RARA: variants seen among roughly 807,000 people sequenced by gnomAD.
RARA encodes retinoic acid receptor alpha.
In RARA, 5 loss-of-function variants were observed where a neutral mutation model predicts 42.8. The observed-to-expected ratio is 0.12, with a 90% CI of 0.06 to 0.25. The LOEUF is 0.25. Ranked by LOEUF, RARA falls within the 10% of genes least tolerant of loss-of-function variation. The probability of loss-of-function intolerance (pLI) is 1.00; values close to 1 mark genes in which losing one functional copy is unlikely to be tolerated. For missense variants in RARA, 402 were observed against 628.7 expected (o/e 0.64, Z 3.86); for synonymous variants, 256 against 259.5 (o/e 0.99, Z 0.13).
intron 1 of RARA, among the ~76,000 whole-genome samples, chr17:40,311,481 G>A (rs1252647621): frequency 6.6e-6 from 1 of 152,146 alleles, no homozygotes; most frequent in East Asian, 1.9e-4. Context: ...ACAGCGATGA[G>A]CCAGGCTGAC....
intron 2 of RARA, 150 bp downstream of exon 2, chr17:40,331,546 T>C (rs1215470943): frequency 9.6e-7 from 1 of 1,046,096 alleles, no homozygotes; most frequent in East Asian, 2.7e-5. Flanking sequence ...TCATTTGAGG[T>C]CTTAAAAATG....
At chr17:40,319,534 C>G (rs1337807249) in intron 1 of RARA, among the ~76,000 whole-genome samples, 4 of 151,230 alleles carry the variant, frequency 2.6e-5, no homozygotes, top group Non-Finnish European at 5.9e-5. Flanking sequence ...CCGACCCCCC[C>G]ACCCCCTGCT....
intron 1 of RARA, among the ~76,000 whole-genome samples, chr17:40,328,372 A>C (rs1156665925): frequency 2.0e-5 from 3 of 151,834 alleles, no homozygotes; most frequent in African/African-American, 7.3e-5. Context: ...CCTTATTTTG[A>C]GTCTCTGTGG....
chr17:40,352,271 G>C lies in RARA; in HGVS notation c.631-60G>C. ...GTAGAGGGCAGGCCTGTGGGGGCTG[G>C]AGCCAGGCTGAGAAGGGGTGCCATG... On this transcript the variant is annotated intron_variant, in intron 5 of 8. Coordinates refer to ENST00000254066, the MANE Select transcript of RARA (RefSeq NM_000964.4). The surrounding 1 kb of genome is among the most constrained non-coding windows in gnomAD (Gnocchi z 4.9). 1 of 1,544,944 alleles carries C rather than the reference G, an allele frequency of 6.5e-7. No homozygotes were observed. The highest frequency in any genetic ancestry group is 1.2e-5 in the South Asian group (1 of 80,240).
chr17:40,324,136 C>T (rs2033471252), intron 1 of RARA, among the ~76,000 whole-genome samples: 1 of 152,032 alleles, frequency 6.6e-6, no homozygotes, highest in African/African-American at 2.4e-5. Context: ...TGGGGAAAGC[C>T]CCGTGCCAGG....
At chr17:40,314,516 A>C (rs137891066) in intron 1 of RARA, among the ~76,000 whole-genome samples, 2,263 of 149,030 alleles carry the variant, frequency 0.015, 29 homozygotes, top group Non-Finnish European at 0.023. Context: ...GCAGGGCAGC[A>C]CAGGGGTCTC....
At chr17:40,335,691 GA>G (rs200444580) in intron 2 of RARA, among the ~76,000 whole-genome samples, 7 of 144,408 alleles carry the variant, frequency 4.8e-5, no homozygotes, top group African/African-American at 1.5e-4. Flanking sequence ...CTCTGTCTCC[GA>G]AAAAAAAAGA....
Position 40,356,423 on chromosome 17 carries a change from C to G in RARA, c.*197C>G, listed in dbSNP as rs2034632899. 1 of 737,212 alleles carries G rather than the reference C, an allele frequency of 1.4e-6. No individual in the cohort carries two copies. Among genetic ancestry groups the G allele is most frequent in the East Asian group, 2.7e-5 (1 of 37,326 alleles). 45.7% of individuals were successfully genotyped at this position (737,212 alleles called of 1,614,324 possible). A position where few individuals can be genotyped will look rare whatever the true frequency, so the allele number is the denominator to read the frequency against. On this transcript the variant is annotated 3_prime_UTR_variant, in exon 9 of 9. Coordinates refer to ENST00000254066, the MANE Select transcript of RARA (RefSeq NM_000964.4). ...CTGGGCCCTCAGTGGACTGCCTGCT[C>G]CCACAGCCTGGGCTGACGTCAGAGG... is the stretch of plus-strand genomic sequence containing the variant.
At position 40,351,643 on chromosome 17, in the gene RARA, G is replaced by T. The variant is rs945252013; in HGVS notation, c.470-267G>T. On this transcript the variant is annotated intron_variant, in intron 4 of 8. Transcript: ENST00000254066. This position sits in a 1 kb window ranked among gnomAD's most constrained non-coding sequence, Gnocchi z 4.1. ...GTAGACGCGTGGGGGATAGCATGCG[G>T]CTGGCTATGGGGTGGGGTGGGGGGT... 1.5e-4 allele frequency: 79 copies of T among 540,302 alleles called. 2 individuals are homozygous for T. The highest frequency in any genetic ancestry group is 1.2e-3 in the South Asian group (60 of 51,880). 33.5% of individuals were successfully genotyped at this position (540,302 alleles called of 1,614,324 possible).
chr17:40,352,617 A>G lies in RARA; in HGVS notation c.807+110A>G. Reference sequence around the variant, plus strand: ...GTCTGTCTGCAATCAACCTGTCCAAATGCCCACCGCCCAAATGTCTGCCCT... The same window carrying G: ...GTCTGTCTGCAATCAACCTGTCCAAGTGCCCACCGCCCAAATGTCTGCCCT... On this transcript the variant is annotated intron_variant, in intron 6 of 8. Transcript: ENST00000254066. The surrounding 1 kb of genome is among the most constrained non-coding windows in gnomAD (Gnocchi z 4.9). The G allele has an allele frequency of 9.5e-7, 1 of 1,049,074 alleles. No homozygotes were observed. Among genetic ancestry groups the G allele is most frequent in the East Asian group, 2.9e-5 (1 of 34,962 alleles). 65.0% of individuals were successfully genotyped at this position (1,049,074 alleles called of 1,614,324 possible).
rs527302805 is a variant in RARA at position 40,356,373 on chromosome 17, A to G, written c.*147A>G. Reference sequence around the variant, plus strand: ...CTTCCCTGGGGGACGGGGAGGGAGGAGGCAGCGACTCCTTGGACAGAGGCC... The same window carrying G: ...CTTCCCTGGGGGACGGGGAGGGAGGGGGCAGCGACTCCTTGGACAGAGGCC... On this transcript the variant is annotated 3_prime_UTR_variant, in exon 9 of 9. Transcript: ENST00000254066. 6.1e-5 allele frequency: 55 copies of G among 903,322 alleles called. No individual in the cohort carries two copies. The highest frequency in any genetic ancestry group is 5.7e-4 in the African/African-American group (35 of 60,984). The allele number at this position is 903,322 out of a possible 1,614,324, so 56.0% of individuals were successfully genotyped here. A position where few individuals can be genotyped will look rare whatever the true frequency, so the allele number is the denominator to read the frequency against.
intron 2 of RARA, among the ~76,000 whole-genome samples, chr17:40,344,295 A>T (rs2034177153): frequency 6.6e-6 from 1 of 152,070 alleles, no homozygotes; most frequent in African/African-American, 2.4e-5. Flanking sequence ...GTGGCTGTAG[A>T]CACAAGAGGG....
At chr17:40,327,308 G>C (rs1380732455) in intron 1 of RARA, among the ~76,000 whole-genome samples, 2 of 152,236 alleles carry the variant, frequency 1.3e-5, no homozygotes, top group African/African-American at 2.4e-5. Flanking sequence ...TGGAGTGATG[G>C]CTTTCTGGGC....
chr17:40,317,135 C>T (rs1466603685), intron 1 of RARA, among the ~76,000 whole-genome samples: 4 of 152,230 alleles, frequency 2.6e-5, no homozygotes, highest in Non-Finnish European at 4.4e-5. Context: ...TCCGTCGGAC[C>T]AGTGGGTTTG....
At chr17:40,316,846 G>T (rs1205046904) in intron 1 of RARA, among the ~76,000 whole-genome samples, 5 of 152,072 alleles carry the variant, frequency 3.3e-5, no homozygotes, top group Admixed American at 3.3e-4. Context: ...TCGCACCGGC[G>T]GACGGAAATC....
At chr17:40,335,382 G>T (rs2033814857) in intron 2 of RARA, among the ~76,000 whole-genome samples, 1 of 152,010 alleles carries the variant, frequency 6.6e-6, no homozygotes, top group Non-Finnish European at 1.5e-5. Context: ...TAGGCATTTA[G>T]TGCTGAGTTT....
At chr17:40,349,705 T>C in intron 3 of RARA, 79 bp from the exon 4 acceptor site, 1 of 1,566,628 alleles carries the variant, frequency 6.4e-7, no homozygotes, top group South Asian at 1.2e-5. Flanking sequence ...CTGGCCCTCC[T>C]CCCCTAGACT....
Position 40,316,941 on chromosome 17 carries a change from C to T in RARA, c.-363+7655C>T, listed in dbSNP as rs376554746. Among the ~76,000 whole-genome samples the T allele has an allele frequency of 3.4e-3, 511 of 152,310 alleles. 4 individuals carry two copies. Among genetic ancestry groups the T allele is most frequent in the Non-Finnish European group, 6.4e-3 (438 of 68,010 alleles). ...GCCCAGCACTGCTGGGGCAGTTTCC[C>T]GTGCGCCGGCCCTCAGGGCAAAGGG... On this transcript the variant is annotated intron_variant, in intron 1 of 8. Coordinates refer to ENST00000254066, the MANE Select transcript of RARA (RefSeq NM_000964.4).
At chr17:40,348,292 GC>G in intron 2 of RARA, 23 bp from the exon 3 acceptor site, 1 of 1,538,100 alleles carries the variant, frequency 6.5e-7, no homozygotes, top group Non-Finnish European at 8.7e-7. Context: ...GTCTCTAACT[GC>G]CCCTCCCCTC....
Sources: allele counts gnomAD v4.1 joint callset (sites outside exome capture counted in the v4.1 genomes callset), GRCh38; gene constraint gnomAD v4.1.1; non-coding constraint Gnocchi (gnomAD v3.1); transcripts MANE v1.5; gene names NCBI Gene and HGNC (gene_info 2026-07-23, HGNC 2026-07-21).